ADGRL3: variants seen among roughly 807,000 people sequenced by gnomAD.
ADGRL3 encodes the protein adhesion G protein-coupled receptor L3.
In ADGRL3, 62 loss-of-function variants were observed where a neutral mutation model predicts 153.5. The observed-to-expected ratio is 0.40, with a 90% CI of 0.33 to 0.50. The LOEUF is 0.50. ADGRL3 is among the 20% of genes least tolerant of loss of function. ADGRL3 has a pLI of 0.47. For synonymous variants in ADGRL3, 710 were observed against 672.5 expected (o/e 1.06, Z -0.86); for missense variants, 1,641 against 1,859.4 (o/e 0.88, Z 2.16).
intron 5 of ADGRL3, among the ~76,000 whole-genome samples, chr4:61,654,957 A>G (rs971782356): frequency 2.0e-5 from 3 of 152,198 alleles, no homozygotes; most frequent in Non-Finnish European, 4.4e-5. Flanking sequence ...ACGTAAGTCT[A>G]TAGAAAGAAA....
chr4:61,283,003 C>A (rs2093786592), intron 1 of ADGRL3, among the ~76,000 whole-genome samples: 1 of 152,014 alleles, frequency 6.6e-6, no homozygotes, highest in Non-Finnish European at 1.5e-5. Context: ...AGAATTCTCA[C>A]AGTGGATATC....
At chr4:61,457,361 T>C (rs1269933251) in intron 2 of ADGRL3, among the ~76,000 whole-genome samples, 1 of 151,982 alleles carries the variant, frequency 6.6e-6, no homozygotes, top group Non-Finnish European at 1.5e-5. Context: ...AATGTTATTT[T>C]AATTAAATCA....
intron 5 of ADGRL3, among the ~76,000 whole-genome samples, chr4:61,610,140 T>G (rs974224088): frequency 6.7e-6 from 1 of 149,348 alleles, no homozygotes; most frequent in Admixed American, 6.7e-5. Context: ...GGAAGTGAGA[T>G]ATATATATAT....
intron 25 of ADGRL3, among the ~76,000 whole-genome samples, chr4:62,047,658 T>G (rs1731832498): frequency 6.6e-6 from 1 of 152,162 alleles, no homozygotes; most frequent in Non-Finnish European, 1.5e-5. Flanking sequence ...TTATATTCTC[T>G]TTGGAAGTTT....
At chr4:61,208,406 G>A (rs1034412763) in intron 1 of ADGRL3, among the ~76,000 whole-genome samples, 2 of 152,020 alleles carry the variant, frequency 1.3e-5, no homozygotes, top group African/African-American at 2.4e-5. Flanking sequence ...ACAGTTCCTG[G>A]TGCATAATAA....
intron 1 of ADGRL3, among the ~76,000 whole-genome samples, chr4:61,350,145 T>G (rs2096011600): frequency 6.6e-6 from 1 of 152,142 alleles, no homozygotes; most frequent in South Asian, 2.1e-4. Context: ...TTCAAACATG[T>G]TGCTGATATC....
chr4:61,401,078 A>ATTT lies in ADGRL3; in HGVS notation c.-174+17889_-174+17890insTTT, dbSNP rs1578654202. Among the ~76,000 whole-genome samples, 63 of 150,650 alleles carry ATTT rather than the reference A, an allele frequency of 4.2e-4. 1 individual carries two copies. The highest frequency in any genetic ancestry group is 7.8e-4 in the East Asian group (4 of 5,116). ...GGAAGGAAGATTCTTTTTTTTTTTA[A>ATTT]AAAAAAGATTTTTTGAAAATGCAGT... is the stretch of plus-strand genomic sequence containing the variant. On this transcript the variant is annotated intron_variant, in intron 2 of 26. Coordinates refer to ENST00000683033, the MANE Select transcript of ADGRL3 (RefSeq NM_001387552.1).
At chr4:61,854,717 A>G (rs2098243815) in intron 9 of ADGRL3, among the ~76,000 whole-genome samples, 1 of 152,194 alleles carries the variant, frequency 6.6e-6, no homozygotes, top group Non-Finnish European at 1.5e-5. Context: ...TACAGTGAGG[A>G]AAGAGGAAAA....
chr4:61,652,166 C>T (rs2094282501), intron 5 of ADGRL3, among the ~76,000 whole-genome samples: 1 of 151,844 alleles, frequency 6.6e-6, no homozygotes, highest in African/African-American at 2.4e-5. Flanking sequence ...CAAAGAGTGG[C>T]CTATAGTGTA....
chr4:62,042,965 TACTC>T (rs1457738349), intron 24 of ADGRL3, among the ~76,000 whole-genome samples: 3 of 152,122 alleles, frequency 2.0e-5, no homozygotes, highest in African/African-American at 7.2e-5. Context: ...TTTTGATACT[TACTC>T]ACCTGAAATC....
intron 2 of ADGRL3, among the ~76,000 whole-genome samples, chr4:61,414,491 T>C (rs2097124855): frequency 6.6e-6 from 1 of 152,162 alleles, no homozygotes; most frequent in African/African-American, 2.4e-5. Flanking sequence ...TTCTTTATTC[T>C]TCTCCTCTGG....
intron 2 of ADGRL3, among the ~76,000 whole-genome samples, chr4:61,455,087 C>A (rs1369738015): frequency 6.6e-6 from 1 of 152,076 alleles, no homozygotes; most frequent in African/African-American, 2.4e-5. Context: ...AGTTGGCTTT[C>A]CCTTTTTTGG....
chr4:61,229,721 CAGCAAGATCCT>C lies in ADGRL3; in HGVS notation c.-240+27960_-240+27970del, dbSNP rs568309327. 2.8e-3 allele frequency among the ~76,000 whole-genome samples: 432 copies of C among 152,082 alleles called. 18 individuals carry two copies. Among genetic ancestry groups the C allele is most frequent in the Admixed American group, 0.027 (417 of 15,252 alleles). ...GAGTTTGAGACCAGCCTGGGCAACACAGCAAGATCCTAGCTCTACAAAACATTTTTAAAAAA... is the reference window on the plus strand; with the variant it reads ...GAGTTTGAGACCAGCCTGGGCAACACAGCTCTACAAAACATTTTTAAAAAA... On this transcript the variant is annotated intron_variant, in intron 1 of 26. Coordinates refer to ENST00000683033, the MANE Select transcript of ADGRL3 (RefSeq NM_001387552.1).
intron 8 of ADGRL3, among the ~76,000 whole-genome samples, chr4:61,792,980 CAAA>C (rs578014832): frequency 7.6e-6 from 1 of 130,724 alleles, no homozygotes; most frequent in African/African-American, 2.8e-5. Flanking sequence ...GGCAATTTAC[CAAA>C]AAAAAAAAAA....
chr4:62,070,788 G>A lies in ADGRL3; in HGVS notation c.4512G>A (p.Leu1504=), dbSNP rs909106475. The part of the protein sequence containing the change: ...NLGSRNHVHQ[L]HTYYQLGRGS... ...GCTCCAGAAACCACGTCCATCAGCT[G>A]CATACTTACTACCAGCTAGGTCGCG... is the stretch of plus-strand genomic sequence containing the variant. The change falls in exon 27 of 27, where the codon CTG becomes CTA. Residue 1504 remains leucine (L), a synonymous_variant. Transcript: ENST00000683033. 1.0e-5 allele frequency: 16 copies of A among 1,551,528 alleles called. 1 individual carries two copies. The Middle Eastern group carries it at 8.3e-4, about 81-fold the overall frequency.
chr4:61,655,462 AC>A (rs1192168393), intron 5 of ADGRL3, among the ~76,000 whole-genome samples: 2 of 152,166 alleles, frequency 1.3e-5, no homozygotes. Flanking sequence ...TCTCATGCTT[AC>A]CCATCAGTCA....
chr4:61,375,046 C>T (rs1472493991), intron 1 of ADGRL3, among the ~76,000 whole-genome samples: 4 of 151,764 alleles, frequency 2.6e-5, no homozygotes, highest in South Asian at 2.1e-4. Flanking sequence ...TTGTGAGATT[C>T]GTATCACCTG....
intron 8 of ADGRL3, among the ~76,000 whole-genome samples, chr4:61,776,213 T>A (rs2097148905): frequency 6.6e-6 from 1 of 152,126 alleles, no homozygotes; most frequent in African/African-American, 2.4e-5. Context: ...AAGCCGAATC[T>A]TAAACGCACC....
intron 1 of ADGRL3, among the ~76,000 whole-genome samples, chr4:61,315,575 G>A (rs1272568209): frequency 1.3e-5 from 2 of 152,150 alleles, no homozygotes; most frequent in Non-Finnish European, 2.9e-5. Context: ...GGAGGGGCTG[G>A]AAAGGCAATC....
Sources: gnomAD v4.1 joint callset for allele counts (sites outside exome capture counted in the v4.1 genomes callset) on GRCh38, gnomAD v4.1.1 for gene constraint, MANE v1.5 for transcripts, NCBI Gene and HGNC (gene_info 2026-07-23, HGNC 2026-07-21) for gene names.